FSTL4: variants seen among roughly 807,000 people sequenced by gnomAD.
The protein encoded by FSTL4 is follistatin like 4.
Under a neutral mutation model 78.2 loss-of-function variants are expected in FSTL4, and 28 were observed. That is an observed-to-expected ratio of 0.36 (90% CI 0.27 to 0.49). FSTL4 has a LOEUF of 0.49. FSTL4 is among the 20% of genes least tolerant of loss of function. The probability of loss-of-function intolerance (pLI) is 0.98; values close to 1 mark genes in which losing one functional copy is unlikely to be tolerated. For missense variants in FSTL4, 922 were observed against 1,084.9 expected (o/e 0.85, Z 2.11); for synonymous variants, 422 against 440.5 (o/e 0.96, Z 0.53).
Position 133,340,058 on chromosome 5 carries a change from C to T in FSTL4, c.410-23406G>A, listed in dbSNP as rs910877977. 2.0e-5 allele frequency among the ~76,000 whole-genome samples: 3 copies of T among 152,196 alleles called. No homozygotes were observed. The South Asian group carries it at 6.2e-4, about 32-fold the overall frequency. On this transcript the variant is annotated intron_variant, in intron 4 of 15. Coordinates refer to ENST00000265342, the MANE Select transcript of FSTL4 (RefSeq NM_015082.2). Reference sequence around the variant, plus strand: ...CCGGAGGGCGTGGGGTGCTGTTTCCCCCCACACTCGTGTTCCAGGCATGGG... The same window carrying T: ...CCGGAGGGCGTGGGGTGCTGTTTCCTCCCACACTCGTGTTCCAGGCATGGG...
chr5:133,674,092 G>A, the FSTL4 span, among the ~76,000 whole-genome samples: 7 of 152,292 alleles, frequency 4.6e-5, no homozygotes, highest in East Asian at 1.9e-4. Context: ...AAGGTTGGGG[G>A]CCTGCACGGG....
the FSTL4 span, among the ~76,000 whole-genome samples, chr5:133,801,565 CCTTT>C: frequency 6.6e-6 from 1 of 152,260 alleles, no homozygotes; most frequent in Non-Finnish European, 1.5e-5. Context: ...AGCCTAGCCT[CCTTT>C]CTTTCTGCCT....
the FSTL4 span, among the ~76,000 whole-genome samples, chr5:133,793,465 C>A: frequency 6.6e-6 from 1 of 152,244 alleles, no homozygotes; most frequent in Non-Finnish European, 1.5e-5. Flanking sequence ...ATAGGCACTA[C>A]GTTCCCCATT....
In FSTL4 at chr5:133,281,172, G is replaced by A. The variant is rs143445907; in HGVS notation, c.727+31482C>T. 3.8e-3 allele frequency among the ~76,000 whole-genome samples: 584 copies of A among 152,262 alleles called. 3 individuals carry two copies. Among genetic ancestry groups the A allele is most frequent in the South Asian group, 9.1e-3 (44 of 4,818 alleles). ...CTTCCACCAGCCCAACCTCCTTGGA[G>A]CCCTGAGCCAGCTGGTTCTCTCCTT... is the stretch of plus-strand genomic sequence containing the variant. On this transcript the variant is annotated intron_variant, in intron 6 of 15. Transcript: ENST00000265342.
At chr5:133,764,481 T>C in the FSTL4 span, among the ~76,000 whole-genome samples, 1 of 152,180 alleles carries the variant, frequency 6.6e-6, no homozygotes, top group Non-Finnish European at 1.5e-5. Context: ...CCTGAAACCA[T>C]GCCATAGGCA....
At chr5:133,394,393 C>T (rs529360606) in intron 4 of FSTL4, among the ~76,000 whole-genome samples, 3 of 152,312 alleles carry the variant, frequency 2.0e-5, no homozygotes, top group East Asian at 3.9e-4. Context: ...GTGTGACGCT[C>T]GTGGGCCAGC....
the FSTL4 span, among the ~76,000 whole-genome samples, chr5:133,784,589 G>T: frequency 6.6e-6 from 1 of 152,210 alleles, no homozygotes; most frequent in Admixed American, 6.5e-5. Flanking sequence ...GCAGAGCAGG[G>T]ATATGATCTC....
chr5:133,657,201 C>T, the FSTL4 span, among the ~76,000 whole-genome samples: 1 of 152,142 alleles, frequency 6.6e-6, no homozygotes, highest in Non-Finnish European at 1.5e-5. Context: ...CTTTCCTTGC[C>T]ACTCAAGGAA....
the FSTL4 span, among the ~76,000 whole-genome samples, chr5:133,831,572 T>C: frequency 6.6e-6 from 1 of 152,218 alleles, no homozygotes; most frequent in Middle Eastern, 3.2e-3. Flanking sequence ...CAAATGAAGA[T>C]AATATTGTTG....
chr5:133,825,710 G>A, the FSTL4 span, among the ~76,000 whole-genome samples: 113 of 152,332 alleles, frequency 7.4e-4, no homozygotes, highest in Non-Finnish European at 1.0e-3. Context: ...GAGTGCCCTC[G>A]GTCTGGACTG....
intron 3 of FSTL4, among the ~76,000 whole-genome samples, chr5:133,555,997 G>A (rs1759778405): frequency 6.6e-6 from 1 of 152,112 alleles, no homozygotes; most frequent in Admixed American, 6.5e-5. Flanking sequence ...TCTGAAGTTG[G>A]GGTTCTCTAC....
At chr5:133,596,128 C>T (rs1341326432) in intron 2 of FSTL4, among the ~76,000 whole-genome samples, 1 of 152,196 alleles carries the variant, frequency 6.6e-6, no homozygotes, top group Admixed American at 6.5e-5. Flanking sequence ...CCTAGAGAGC[C>T]GTGCACATCA....
rs570572155 is a variant in FSTL4, at chr5:133,481,786, A to C, written c.161-80800T>G. 3.3e-5 allele frequency among the ~76,000 whole-genome samples: 5 copies of C among 152,310 alleles called. No individual in the cohort carries two copies. In the South Asian group the frequency reaches 8.3e-4, roughly 25 times the overall value. On this transcript the variant is annotated intron_variant, in intron 3 of 15. Coordinates refer to ENST00000265342, the MANE Select transcript of FSTL4 (RefSeq NM_015082.2). ...CCAACAGAGCAACCCGGAATTGACC[A>C]ATTGACCTGTCATCAAAAGGAAGAG...
intron 3 of FSTL4, among the ~76,000 whole-genome samples, chr5:133,558,987 TTA>T (rs1380624368): frequency 2.0e-5 from 3 of 152,156 alleles, no homozygotes; most frequent in Non-Finnish European, 4.4e-5. Flanking sequence ...AGCAGAGAGA[TTA>T]AAGATTTGTT....
intron 3 of FSTL4, among the ~76,000 whole-genome samples, chr5:133,555,417 C>T (rs1408054316): frequency 2.6e-5 from 4 of 152,158 alleles, no homozygotes; most frequent in South Asian, 2.1e-4. Flanking sequence ...CTGTGTGACC[C>T]GGGGCAAGTC....
At chr5:133,702,703 T>C in the FSTL4 span, among the ~76,000 whole-genome samples, 2 of 152,210 alleles carry the variant, frequency 1.3e-5, no homozygotes, top group Admixed American at 1.3e-4. Context: ...AGAATCCTTC[T>C]TCTAGAAGTG....
the FSTL4 span, among the ~76,000 whole-genome samples, chr5:133,756,140 A>G: frequency 1.7e-3 from 263 of 152,126 alleles, no homozygotes; most frequent in Admixed American, 5.6e-3. Context: ...AGGCTGAGAA[A>G]GTGGTGTTTG....
intron 5 of FSTL4, among the ~76,000 whole-genome samples, chr5:133,314,254 G>C (rs953833725): frequency 2.0e-5 from 3 of 152,252 alleles, no homozygotes; most frequent in African/African-American, 7.2e-5. Context: ...GTCACCTGCA[G>C]GTCCCTGGCC....
intron 6 of FSTL4, among the ~76,000 whole-genome samples, chr5:133,256,957 G>A (rs1318318946): frequency 6.6e-6 from 1 of 152,176 alleles, no homozygotes; most frequent in African/African-American, 2.4e-5. Context: ...TTACAGTTTA[G>A]TTATCAAGTT....
Sources: allele counts gnomAD v4.1 joint callset (sites outside exome capture counted in the v4.1 genomes callset), GRCh38; gene constraint gnomAD v4.1.1; transcripts MANE v1.5; gene names NCBI Gene and HGNC (gene_info 2026-07-23, HGNC 2026-07-21).